The following ADGRG4 variants were observed in gnomAD, a reference collection of about 807,000 sequenced individuals.
The protein encoded by ADGRG4 is G protein-coupled receptor 112.
A neutral mutation model predicts 126.2 loss-of-function variants in ADGRG4; 122 were observed. The ratio of observed to expected loss-of-function variants is 0.97; its 90% CI spans 0.83 to 1.12. ADGRG4 has a LOEUF of 1.12. Ranked by LOEUF, ADGRG4 falls within the 50% of genes most tolerant of loss-of-function variation. ADGRG4 has a pLI of 0.00. For synonymous variants in ADGRG4, 943 were observed against 838.7 expected (o/e 1.12, Z -2.15); for missense variants, 2,481 against 2,251.8 (o/e 1.10, Z -2.06).
At chrX:136,361,689 C>G in intron 12 of ADGRG4, 102 bp downstream of exon 12, 6 of 530,282 alleles carry the variant, frequency 1.1e-5, no homozygotes, top group Non-Finnish European at 1.7e-5. Flanking sequence ...TCCCTTCCTC[C>G]ACCTCTAGTG....
At chrX:136,382,619 T>G (rs2075269948) in intron 15 of ADGRG4, among the ~76,000 whole-genome samples, 1 of 111,799 alleles carries the variant, frequency 8.9e-6, no homozygotes, top group Admixed American at 9.5e-5. Flanking sequence ...GCTGTTGTAG[T>G]TTCCCATTGA....
At chrX:136,398,431 A>G (rs775536086) in intron 20 of ADGRG4, among the ~76,000 whole-genome samples, 21 of 112,324 alleles carry the variant, frequency 1.9e-4, no homozygotes, top group Non-Finnish European at 3.2e-4. Flanking sequence ...AATAAAGTTT[A>G]TAAATGGACA....
At chrX:136,405,308 CG>C (rs35934424) in intron 22 of ADGRG4, among the ~76,000 whole-genome samples, 1,550 of 57,046 alleles carry the variant, frequency 0.027, 14 homozygotes, top group Non-Finnish European at 0.038. Context: ...AAGGTGGTGG[CG>C]GGGGGGCAGG....
In ADGRG4 at chrX:136,359,466, T is replaced by TG; in HGVS notation, c.7144+17dup. 1 of 1,170,578 alleles carries TG rather than the reference T, an allele frequency of 8.5e-7. No homozygotes were observed. ...CAGTGAAAAAACTAGGTAATTTTTT[T>TG]GGGGGGTGGATATTGCAGTATGAAC... On this transcript the variant is annotated intron_variant, in intron 11 of 25. Coordinates refer to ENST00000394143, the MANE Select transcript of ADGRG4 (RefSeq NM_153834.4).
intron 16 of ADGRG4, among the ~76,000 whole-genome samples, chrX:136,390,067 TAA>T (rs971018904): frequency 1.7e-3 from 189 of 112,137 alleles, no homozygotes; most frequent in African/African-American, 5.9e-3. Flanking sequence ...TTGTGTCTTT[TAA>T]AGACAGGATC....
chrX:136,379,061 T>C (rs919402745), intron 15 of ADGRG4, among the ~76,000 whole-genome samples: 5 of 111,938 alleles, frequency 4.5e-5, no homozygotes, highest in Non-Finnish European at 9.4e-5. Context: ...GTAACATTGC[T>C]GTCATTTCAT....
rs781722775 is a variant in ADGRG4, at chrX:136,348,472, C to T, written c.4766C>T (p.Ser1589Phe). The T allele has an allele frequency of 8.3e-7, 1 of 1,209,942 alleles. No individual in the cohort carries two copies. The highest frequency in any genetic ancestry group is 1.1e-6 in the Non-Finnish European group (1 of 894,046). ...SDTSTRVGLF[S>F]TLLSSVTPRT... ...ACTTCCACAAGAGTTGGGTTATTCT[C>T]TACTTTATTGTCTTCAGTTACCCCC... The change falls in exon 6 of 26, where the codon TCT (serine) becomes TTT (phenylalanine). Residue 1589 changes from serine (S) to phenylalanine (F), a missense_variant. By Grantham distance (155) the Ser-to-Phe change is radical (BLOSUM62 -2). Coordinates refer to ENST00000394143, the MANE Select transcript of ADGRG4 (RefSeq NM_153834.4).
chrX:136,322,854 T>A lies in ADGRG4; in HGVS notation c.147T>A (p.Ile49=). 8.3e-7 allele frequency: 1 copy of A among 1,211,121 alleles called. No homozygotes were observed. Among genetic ancestry groups the A allele is most frequent in the Non-Finnish European group, 1.1e-6 (1 of 894,864 alleles). The change falls in exon 5 of 26, where the codon ATT becomes ATA. Residue 49 remains isoleucine, a synonymous_variant. Coordinates refer to ENST00000394143, the MANE Select transcript of ADGRG4 (RefSeq NM_153834.4). ...CATATGTAAGCCTGATAGATACCAT[T>A]CCTGAACTCAGCCGATTCACAGCAT... The part of the protein sequence containing the change: ...GDTYVSLIDT[I]PELSRFTACI...
intron 19 of ADGRG4, among the ~76,000 whole-genome samples, chrX:136,397,491 C>CTTTTTTTTTTTTTTTT (rs1184936316): frequency 1.6e-4 from 8 of 50,568 alleles, no homozygotes; most frequent in Non-Finnish European, 1.8e-4. Flanking sequence ...AGGAAAAGGA[C>CTTTTTTTTTTTTTTTT]TTTTTTTTTT....
intron 5 of ADGRG4, among the ~76,000 whole-genome samples, chrX:136,327,106 C>T (rs1049513714): frequency 1.8e-5 from 2 of 111,336 alleles, no homozygotes; most frequent in African/African-American, 6.5e-5. Context: ...TTAAAAATTA[C>T]AAATGTAATA....
In ADGRG4 at chrX:136,346,556, A is replaced by G; in HGVS notation, c.2850A>G (p.Ser950=). Residue 950 remains serine, a synonymous_variant, in exon 6 of 26, where the codon TCA becomes TCG. Coordinates refer to ENST00000394143, the MANE Select transcript of ADGRG4 (RefSeq NM_153834.4). ...CTTCAGAGACATCTGAGGGAATTTC[A>G]GCTGGATCTCCCACTTCTGGGAGCA... ...HWTSETSEGI[S]AGSPTSGSTH... 8.3e-7 allele frequency: 1 copy of G among 1,210,519 alleles called. No homozygotes were observed. The highest frequency in any genetic ancestry group is 1.1e-6 in the Non-Finnish European group (1 of 894,717).
chrX:136,344,086 C>A (rs767618927), intron 5 of ADGRG4, among the ~76,000 whole-genome samples: 1 of 111,727 alleles, frequency 9.0e-6, no homozygotes, highest in Non-Finnish European at 1.9e-5. Context: ...GATCCTTTCC[C>A]AAAGCTAATC....
intron 5 of ADGRG4, among the ~76,000 whole-genome samples, chrX:136,344,105 C>G (rs2074995840): frequency 8.9e-6 from 1 of 111,804 alleles, no homozygotes; most frequent in African/African-American, 3.2e-5. Flanking sequence ...TCTTCTTAAT[C>G]AATGCACTAC....
chrX:136,388,182 C>T (rs1046530783), intron 16 of ADGRG4, among the ~76,000 whole-genome samples: 3 of 112,124 alleles, frequency 2.7e-5, no homozygotes, highest in Admixed American at 9.4e-5. Flanking sequence ...AATGATGTTT[C>T]GGCTTATCAG....
At chrX:136,326,799 C>G (rs1467530850) in intron 5 of ADGRG4, among the ~76,000 whole-genome samples, 1 of 110,972 alleles carries the variant, frequency 9.0e-6, no homozygotes, top group Non-Finnish European at 1.9e-5. Context: ...TATTTATGGT[C>G]CATAGAAGGA....
Position 136,346,855 on chromosome X carries a change from A to T in ADGRG4, c.3149A>T (p.Asp1050Val). Residue 1050 changes from aspartate (D) to valine (V), a missense_variant, in exon 6 of 26, where the codon GAT (aspartate) becomes GTT (valine). Coordinates refer to ENST00000394143, the MANE Select transcript of ADGRG4 (RefSeq NM_153834.4). ...ARAFSTSVLS[D>V]VSNLSSTTMT... ...GCTTTTTCTACATCTGTGCTCTCAG[A>T]TGTCTCAAATCTATCCTCAACTACA... is the stretch of plus-strand genomic sequence containing the variant. 8.3e-7 allele frequency: 1 copy of T among 1,210,746 alleles called. No homozygotes were observed. The highest frequency in any genetic ancestry group is 1.1e-6 in the Non-Finnish European group (1 of 894,677).
intron 4 of ADGRG4, among the ~76,000 whole-genome samples, chrX:136,320,778 G>T (rs375401787): frequency 5.4e-5 from 6 of 110,414 alleles, no homozygotes; most frequent in African/African-American, 2.0e-4. Flanking sequence ...AATTTGCCAG[G>T]CATGGTGGCA....
intron 19 of ADGRG4, among the ~76,000 whole-genome samples, chrX:136,396,666 A>T (rs1365048637): frequency 1.9e-5 from 2 of 107,466 alleles, no homozygotes; most frequent in African/African-American, 6.8e-5. Flanking sequence ...GTAACTAACT[A>T]TGTGATCTTG....
rs767561658 is a variant in ADGRG4 at position 136,350,320 on chromosome X, C to T, written c.6614C>T (p.Thr2205Ile). The T allele has an allele frequency of 3.3e-6, 4 of 1,208,773 alleles. No individual in the cohort carries two copies. The East Asian group carries it at 8.9e-5, about 27-fold the overall frequency. Reference sequence around the variant, plus strand: ...TCCACTGGGGTGACATATCCTTTTACAGCAACTGTGTCTTCACCAATATCG... The same window carrying T: ...TCCACTGGGGTGACATATCCTTTTATAGCAACTGTGTCTTCACCAATATCG... ...LISTGVTYPFTATVSSPISSF... is the reference protein window; with the variant it reads ...LISTGVTYPFIATVSSPISSF... Residue 2205 changes from threonine (T) to isoleucine (I), a missense_variant, in exon 6 of 26, where the codon ACA (threonine) becomes ATA (isoleucine). By Grantham distance (89) the Thr-to-Ile change is moderately conservative. Coordinates refer to ENST00000394143, the MANE Select transcript of ADGRG4 (RefSeq NM_153834.4).
Sources: allele counts gnomAD v4.1 joint callset (sites outside exome capture counted in the v4.1 genomes callset), GRCh38; gene constraint gnomAD v4.1.1; transcripts MANE v1.5; gene names NCBI Gene and HGNC (gene_info 2026-07-23, HGNC 2026-07-21).